The following PTPRF variants were observed in gnomAD, a reference collection of about 807,000 sequenced individuals.
PTPRF encodes receptor-type tyrosine-protein phosphatase F.
In PTPRF, 59 loss-of-function variants were observed where a neutral mutation model predicts 201.8. The observed-to-expected ratio is 0.29, with a 90% CI of 0.24 to 0.36. PTPRF has a LOEUF of 0.36. PTPRF is among the 10% of genes least tolerant of loss of function. The probability of loss-of-function intolerance (pLI) is 1.00; values close to 1 mark genes in which losing one functional copy is unlikely to be tolerated. For missense variants in PTPRF, 2,132 were observed against 2,690.5 expected, an observed-to-expected ratio of 0.79 and a Z score of 4.59; for synonymous variants, 1,088 against 1,089.7, an observed-to-expected ratio of 1.00 and a Z score of 0.03.
chr1:43,526,922 A>ACTGAC (rs754700957), upstream of PTPRF, among the ~76,000 whole-genome samples: 33 of 152,320 alleles, frequency 2.2e-4, no homozygotes, highest in Non-Finnish European at 3.4e-4. Flanking sequence ...TGGAGCACGG[A>ACTGAC]CTGACCATCT....
intron 22 of PTPRF, chr1:43,612,833 A>G (rs373324600): frequency 2.2e-5 from 30 of 1,353,556 alleles, no homozygotes; most frequent in Non-Finnish European, 3.0e-5. Flanking sequence ...TTTGGGGGAT[A>G]CTTTGGCTTC....
At chr1:43,544,216 C>T (rs1324082559) in intron 2 of PTPRF, among the ~76,000 whole-genome samples, 1 of 151,942 alleles carries the variant, frequency 6.6e-6, no homozygotes, top group Non-Finnish European at 1.5e-5. Flanking sequence ...TGTTTGGCTC[C>T]GGGCTTCTGG....
At chr1:43,611,160 G>C (rs1656354751) in intron 22 of PTPRF, among the ~76,000 whole-genome samples, 1 of 152,220 alleles carries the variant, frequency 6.6e-6, no homozygotes, top group Non-Finnish European at 1.5e-5. Context: ...GGTGGCCTGG[G>C]CTTCCTCACA....
At chr1:43,608,577 C>A (rs1655702878) in intron 21 of PTPRF, among the ~76,000 whole-genome samples, 1 of 152,228 alleles carries the variant, frequency 6.6e-6, no homozygotes, top group Non-Finnish European at 1.5e-5. Context: ...GGGGCACATA[C>A]ATAATACAGA....
intron 7 of PTPRF, among the ~76,000 whole-genome samples, chr1:43,583,626 G>A (rs896487879): frequency 2.5e-4 from 38 of 152,192 alleles, no homozygotes; most frequent in African/African-American, 8.4e-4. Flanking sequence ...AAGTCCTGCA[G>A]TGTGTACCCT....
rs77543816 is a variant in PTPRF, at chr1:43,573,977, C to CTTTTT, written c.568+4231_568+4235dup. Among the ~76,000 whole-genome samples the CTTTTT allele has an allele frequency of 1.4e-3, 89 of 63,912 alleles. 19 individuals carry two copies. The highest frequency in any genetic ancestry group is 3.7e-3 in the South Asian group (4 of 1,092). 41.9% of individuals were successfully genotyped at this position (63,912 alleles called of 152,430 possible). ...CAAAGAGGGTTTGCTTGTGTGGGTT[C>CTTTTT]TTTTTTTTTTTTTTTTTTTTTTTTT... On this transcript the variant is annotated intron_variant, in intron 6 of 33. Transcript: ENST00000359947.
At chr1:43,566,170 C>T (rs946393441) in intron 5 of PTPRF, among the ~76,000 whole-genome samples, 6 of 152,144 alleles carry the variant, frequency 3.9e-5, no homozygotes, top group Admixed American at 6.5e-5. Context: ...CTCTCGCGCG[C>T]GGGGTGTTCA....
chr1:43,612,405 C>T (rs1469698118), intron 22 of PTPRF, among the ~76,000 whole-genome samples: 1 of 152,058 alleles, frequency 6.6e-6, no homozygotes, highest in African/African-American at 2.4e-5. Context: ...CTCTTTTTTC[C>T]AACGTGGAAA....
Position 43,569,685 on chromosome 1 carries a change from G to A in PTPRF, c.475G>A (p.Gly159Ser), listed in dbSNP as rs368326365. 4.8e-5 allele frequency: 77 copies of A among 1,614,012 alleles called. No homozygotes were observed. Among genetic ancestry groups the A allele is most frequent in the Non-Finnish European group, 6.1e-5 (72 of 1,179,986 alleles). The change falls in exon 6 of 34, where the codon GGC (glycine) becomes AGC (serine). Residue 159 changes from glycine to serine, a missense_variant. This residue lies in a region of PTPRF where 297 missense variants were observed against 454.0 expected (regional missense o/e 0.65). Transcript: ENST00000359947. ...CACAGCCACCATGCTATGTGCCGCA[G>A]GCGGAAATCCAGACCCTGAGATTTC... ...ARTATMLCAA[G>S]GNPDPEISWF...
chr1:43,601,974 C>G, intron 13 of PTPRF, 97 bp from the exon 14 acceptor site: 7 of 1,453,286 alleles, frequency 4.8e-6, no homozygotes, highest in Non-Finnish European at 6.8e-6. Context: ...AGCCCTCCCT[C>G]TGTCCTCCCT....
At chr1:43,567,522 C>G (rs1335544675) in intron 5 of PTPRF, among the ~76,000 whole-genome samples, 1 of 152,192 alleles carries the variant, frequency 6.6e-6, no homozygotes, top group Non-Finnish European at 1.5e-5. Context: ...GCTGGGAATC[C>G]TATTGCTCTC....
At position 43,623,016 on chromosome 1, in the gene PTPRF, T is replaced by G. The variant is rs1384951802; in HGVS notation, c.*1013T>G. ...TGACCTGGGCCCACAGAGCCTGGCT[T>G]TGGTCCCCAGCATTGCAGTATGGTG... On this transcript the variant is annotated 3_prime_UTR_variant, in exon 34 of 34. Coordinates refer to ENST00000359947, the MANE Select transcript of PTPRF (RefSeq NM_002840.5). 6.6e-5 allele frequency: 10 copies of G among 152,668 alleles called. No individual in the cohort carries two copies. The highest frequency in any genetic ancestry group is 1.0e-4 in the Non-Finnish European group (7 of 68,160). The allele number at this position is 152,668 out of a possible 1,614,324, so 9.5% of individuals were successfully genotyped here.
chr1:43,612,692 A>G (rs1310934763), intron 22 of PTPRF: 2 of 1,261,120 alleles, frequency 1.6e-6, no homozygotes, highest in African/African-American at 3.1e-5. Context: ...TGGTGCTGTA[A>G]GCAGAAAAAG....
intron 6 of PTPRF, among the ~76,000 whole-genome samples, chr1:43,576,304 GC>G (rs1397067285): frequency 2.6e-5 from 4 of 152,208 alleles, no homozygotes; most frequent in Non-Finnish European, 1.5e-5. Context: ...GTGTGACCAA[GC>G]CTTGCCTTTT....
At chr1:43,526,927 C>T (rs1419344454), upstream of PTPRF, among the ~76,000 whole-genome samples, 1 of 152,216 alleles carries the variant, frequency 6.6e-6, no homozygotes, top group East Asian at 1.9e-4. Context: ...CACGGACTGA[C>T]CATCTCTGGG....
intron 11 of PTPRF, among the ~76,000 whole-genome samples, chr1:43,593,698 T>C (rs1445319108): frequency 4.5e-5 from 2 of 44,498 alleles, no homozygotes; most frequent in East Asian, 1.7e-3. Flanking sequence ...AAAAGCTCAT[T>C]TGGAGGCCAG....
chr1:43,541,335 A>G (rs1409148967), intron 2 of PTPRF, among the ~76,000 whole-genome samples: 3 of 152,242 alleles, frequency 2.0e-5, no homozygotes, highest in African/African-American at 7.2e-5. Context: ...CAGCCAGGGA[A>G]GCCCCCATCA....
chr1:43,578,326 C>T (rs2153997413), intron 6 of PTPRF, among the ~76,000 whole-genome samples: 1 of 152,312 alleles, frequency 6.6e-6, no homozygotes, highest in Non-Finnish European at 1.5e-5. Flanking sequence ...AAACCCATTC[C>T]TTCCTGGTGG....
intron 7 of PTPRF, chr1:43,579,499 G>A (rs1025349435): frequency 2.7e-5 from 9 of 335,390 alleles, no homozygotes; most frequent in East Asian, 8.0e-5. Context: ...ATGTTGCCTC[G>A]GGTGAGCACC....
Sources: allele counts gnomAD v4.1 joint callset (sites outside exome capture counted in the v4.1 genomes callset), GRCh38; gene constraint gnomAD v4.1.1; regional missense constraint gnomAD v4.1.1; transcripts MANE v1.5; gene names NCBI Gene and HGNC (gene_info 2026-07-23, HGNC 2026-07-21).